XKR9: variants seen among roughly 807,000 people sequenced by gnomAD.
XKR9 encodes XK related 9, also known as XK-related protein 9.
A neutral mutation model predicts 32.0 loss-of-function variants in XKR9; 32 were observed. The ratio of observed to expected loss-of-function variants is 1.00; its 90% confidence interval spans 0.76 to 1.34. XKR9 has a LOEUF of 1.34. Ranked by LOEUF, XKR9 falls within the 40% of genes most tolerant of loss-of-function variation. The pLI, the probability that XKR9 is intolerant of heterozygous loss-of-function variation, is 0.00. For missense variants in XKR9, 546 were observed against 429.7 expected, an observed-to-expected ratio of 1.27 and a Z score of -2.39; for synonymous variants, 168 against 143.4, an observed-to-expected ratio of 1.17 and a Z score of -1.22.
chr8:71,060,255 A>C, the XKR9 span, among the ~76,000 whole-genome samples: 49 of 152,308 alleles, frequency 3.2e-4, no homozygotes, highest in African/African-American at 1.1e-3. Flanking sequence ...CCTAGGGAAT[A>C]ATCTGGGCCC....
the XKR9 span, among the ~76,000 whole-genome samples, chr8:70,960,258 A>T: frequency 3.7e-4 from 57 of 152,226 alleles, no homozygotes; most frequent in African/African-American, 1.3e-3. Flanking sequence ...CCAAAAAAAA[A>T]AAATATATTT....
At chr8:70,739,363 C>T (rs1415129588), downstream of XKR9, among the ~76,000 whole-genome samples, 1 of 152,128 alleles carries the variant, frequency 6.6e-6, no homozygotes, top group African/African-American at 2.4e-5. Context: ...ATGTGTGTCT[C>T]TGCACATGAG....
At chr8:70,763,558 A>G (rs1468800514) in intron 2 of XKR9, among the ~76,000 whole-genome samples, 1 of 152,192 alleles carries the variant, frequency 6.6e-6, no homozygotes, top group African/African-American at 2.4e-5. Flanking sequence ...ATAATACATC[A>G]TTTCCATAAA....
intron 2 of XKR9, among the ~76,000 whole-genome samples, chr8:70,752,027 T>C (rs1182242615): frequency 6.6e-6 from 1 of 152,232 alleles, no homozygotes; most frequent in Non-Finnish European, 1.5e-5. Flanking sequence ...AGCCAATTCC[T>C]TGAAGCAAAT....
At chr8:70,841,098 T>G in the XKR9 span, among the ~76,000 whole-genome samples, 1 of 152,172 alleles carries the variant, frequency 6.6e-6, no homozygotes, top group African/African-American at 2.4e-5. Flanking sequence ...AGACACAAGA[T>G]AATGACCTCA....
intron 2 of XKR9, among the ~76,000 whole-genome samples, chr8:70,761,235 G>A (rs537389754): frequency 3.3e-5 from 5 of 152,158 alleles, no homozygotes; most frequent in African/African-American, 1.2e-4. Flanking sequence ...CCCAGTAATG[G>A]GATTGCCTGG....
At chr8:70,980,516 T>C in the XKR9 span, among the ~76,000 whole-genome samples, 1 of 152,222 alleles carries the variant, frequency 6.6e-6, no homozygotes, top group Non-Finnish European at 1.5e-5. Context: ...TTTATGTGAG[T>C]CCTTATGTGT....
At chr8:70,790,650 T>C (rs1212896653), downstream of XKR9, among the ~76,000 whole-genome samples, 1 of 152,116 alleles carries the variant, frequency 6.6e-6, no homozygotes, top group Non-Finnish European at 1.5e-5. Context: ...GTATATATTA[T>C]ATGATAGTAC....
chr8:70,710,950 C>T (rs563628088), intron 4 of XKR9, among the ~76,000 whole-genome samples: 5 of 152,090 alleles, frequency 3.3e-5, no homozygotes, highest in East Asian at 3.9e-4. Context: ...CAAACAACCC[C>T]GTTAAAAAAT....
At chr8:70,702,209 T>C (rs1258480710) in intron 3 of XKR9, among the ~76,000 whole-genome samples, 1 of 152,146 alleles carries the variant, frequency 6.6e-6, no homozygotes, top group African/African-American at 2.4e-5. Flanking sequence ...AGGATAAATT[T>C]TACCTCAGTC....
the XKR9 span, among the ~76,000 whole-genome samples, chr8:70,799,825 C>A: frequency 6.6e-6 from 1 of 152,086 alleles, no homozygotes. Flanking sequence ...AGTTTGACTT[C>A]CTCTCTTTCT....
At chr8:70,800,648 G>A in the XKR9 span, among the ~76,000 whole-genome samples, 2 of 152,046 alleles carry the variant, frequency 1.3e-5, no homozygotes, top group Non-Finnish European at 2.9e-5. Context: ...ACCACGCCCA[G>A]CTAATTTTTG....
chr8:70,821,969 G>A, the XKR9 span, among the ~76,000 whole-genome samples: 1 of 152,178 alleles, frequency 6.6e-6, no homozygotes, highest in Admixed American at 6.5e-5. Flanking sequence ...AGGCTTGAAT[G>A]TCTCCTCAGA....
chr8:70,857,020 A>G, the XKR9 span, among the ~76,000 whole-genome samples: 21 of 152,224 alleles, frequency 1.4e-4, no homozygotes, highest in African/African-American at 5.1e-4. Flanking sequence ...AAGAGAAAGC[A>G]GGAAAGATCT....
chr8:70,764,665 A>C (rs758606086), intron 2 of XKR9, among the ~76,000 whole-genome samples: 1 of 152,154 alleles, frequency 6.6e-6, no homozygotes, highest in Non-Finnish European at 1.5e-5. Flanking sequence ...ATAGGTATAC[A>C]TGTGCCATGG....
the XKR9 span, among the ~76,000 whole-genome samples, chr8:70,903,615 G>A: frequency 6.6e-6 from 1 of 151,958 alleles, no homozygotes; most frequent in Non-Finnish European, 1.5e-5. Context: ...TTTTTTAAAG[G>A]GTTTTTTGTG....
chr8:71,014,330 A>G, the XKR9 span, among the ~76,000 whole-genome samples: 9 of 152,196 alleles, frequency 5.9e-5, no homozygotes, highest in African/African-American at 1.9e-4. Context: ...TTACAACAAC[A>G]GAGTGTTCTC....
At chr8:70,992,565 C>T in the XKR9 span, among the ~76,000 whole-genome samples, 58 of 152,244 alleles carry the variant, frequency 3.8e-4, no homozygotes, top group South Asian at 2.1e-3. Context: ...TTTGTGAGAC[C>T]GGTGCAAGGA....
the XKR9 span, among the ~76,000 whole-genome samples, chr8:70,869,996 G>C: frequency 6.6e-6 from 1 of 152,202 alleles, no homozygotes; most frequent in East Asian, 1.9e-4. Flanking sequence ...GCATATAGTA[G>C]GAATGAGATA....
Sources: gnomAD v4.1 joint callset for allele counts (sites outside exome capture counted in the v4.1 genomes callset) on GRCh38, gnomAD v4.1.1 for gene constraint, MANE v1.5 for transcripts, NCBI Gene and HGNC (gene_info 2026-07-23, HGNC 2026-07-21) for gene names.